B3GALT5: variants seen among roughly 807,000 people sequenced by gnomAD.
The protein encoded by B3GALT5 is beta-1,3-galactosyltransferase 5, also known as UDP-Gal:betaGlcNAc beta 1,3-galactosyltransferase, polypeptide 5.
For synonymous variants in B3GALT5, 156 were observed against 158.6 expected (o/e 0.98, Z 0.12); for missense variants, 328 against 396.6 (o/e 0.83, Z 1.47).
At chr21:39,647,759 C>A (rs1379756455) in intron 2 of B3GALT5, among the ~76,000 whole-genome samples, 1 of 152,180 alleles carries the variant, frequency 6.6e-6, no homozygotes, top group African/African-American at 2.4e-5. Context: ...AGCCTAGAGT[C>A]TATGGCTTTA....
chr21:39,660,219 C>A (rs1017980895), intron 3 of B3GALT5, among the ~76,000 whole-genome samples: 15 of 152,152 alleles, frequency 9.9e-5, no homozygotes, highest in African/African-American at 3.4e-4. Flanking sequence ...TGCGCTTCAT[C>A]ATGGAGTCAT....
At chr21:39,657,217 A>G (rs1198044388) in intron 2 of B3GALT5, 1 of 152,276 alleles carries the variant, frequency 6.6e-6, no homozygotes, top group East Asian at 1.9e-4. Flanking sequence ...CTGGTAAAGC[A>G]TTATTTCTGG....
chr21:39,661,374 G>A lies in B3GALT5; in HGVS notation c.815G>A (p.Arg272His), dbSNP rs773923288. 3.3e-5 allele frequency: 53 copies of A among 1,602,906 alleles called. No homozygotes were observed. Among genetic ancestry groups the A allele is most frequent in the Middle Eastern group, 3.3e-4 (2 of 6,012 alleles). Residue 272 changes from arginine to histidine, a missense_variant, in exon 4 of 4, where the codon CGC (arginine) becomes CAC (histidine). Transcript: ENST00000684187. The surrounding 1 kb of genome is among the most constrained non-coding windows in gnomAD (Gnocchi z 4.7). ...CCGACCTTTTTTCCAGGGGGCTTACGCTTCTCCGTATGCCTCTTCAGGAGG... is the reference window on the plus strand; with the variant it reads ...CCGACCTTTTTTCCAGGGGGCTTACACTTCTCCGTATGCCTCTTCAGGAGG... ...SQPTFFPGGL[R>H]FSVCLFRRIV...
intron 2 of B3GALT5, among the ~76,000 whole-genome samples, chr21:39,648,150 C>T (rs1171648970): frequency 1.3e-5 from 2 of 152,192 alleles, no homozygotes; most frequent in African/African-American, 2.4e-5. Context: ...ACATATTTGA[C>T]ACTGTGGACG....
At chr21:39,623,229 C>CCTCCCTT (rs1395122654) in intron 1 of B3GALT5, among the ~76,000 whole-genome samples, 2 of 34,774 alleles carry the variant, frequency 5.8e-5, no homozygotes, top group Non-Finnish European at 1.0e-4. Flanking sequence ...CTCCCTCCCT[C>CCTCCCTT]CCTCCCTCCC....
At chr21:39,615,106 C>T (rs1569204244) in intron 1 of B3GALT5, among the ~76,000 whole-genome samples, 1 of 152,212 alleles carries the variant, frequency 6.6e-6, no homozygotes, top group African/African-American at 2.4e-5. Flanking sequence ...TCTCCTCCTA[C>T]TGCTTACTTT....
Position 39,661,476 on chromosome 21 carries a change from A to G in B3GALT5, c.917A>G (p.Asp306Gly). 1.3e-6 allele frequency: 2 copies of G among 1,508,990 alleles called. No individual in the cohort carries two copies. Among genetic ancestry groups the G allele is most frequent in the Non-Finnish European group, 1.8e-6 (2 of 1,130,030 alleles). The allele number at this position is 1,508,990 out of a possible 1,614,324, so 93.5% of individuals were successfully genotyped here. ...WQALENSRGE[D>G]CPPV ...GCTCTAGAGAATTCCCGGGGGGAAG[A>G]TTGTCCGCCTGTCTGAGGGGAGCCC... is the stretch of plus-strand genomic sequence containing the variant. The change falls in exon 4 of 4, where the codon GAT becomes GGT. Residue 306 changes from aspartate (D) to glycine (G), a missense_variant. Coordinates refer to ENST00000684187, the MANE Select transcript of B3GALT5 (RefSeq NM_001356336.2). The surrounding 1 kb of genome is among the most constrained non-coding windows in gnomAD (Gnocchi z 4.7).
intron 1 of B3GALT5, among the ~76,000 whole-genome samples, chr21:39,645,808 C>T (rs1251933118): frequency 6.6e-6 from 1 of 152,172 alleles, no homozygotes; most frequent in Non-Finnish European, 1.5e-5. Context: ...GAATAATTCA[C>T]TGTCAGCATC....
intron 2 of B3GALT5, among the ~76,000 whole-genome samples, chr21:39,655,958 GTGGTC>G: frequency 1.3e-5 from 2 of 152,326 alleles, no homozygotes; most frequent in South Asian, 4.1e-4. Flanking sequence ...GGTGGGCACA[GTGGTC>G]TGGGGTCTTC....
chr21:39,644,323 G>A (rs1438820303), intron 1 of B3GALT5, among the ~76,000 whole-genome samples: 1 of 152,192 alleles, frequency 6.6e-6, no homozygotes, highest in Non-Finnish European at 1.5e-5. Flanking sequence ...CAGAAATGCT[G>A]TAGGGTAAAA....
chr21:39,660,003 A>G (rs2079494288), intron 3 of B3GALT5, 91 bp downstream of exon 3: 1 of 738,840 alleles, frequency 1.4e-6, no homozygotes, highest in Non-Finnish European at 1.7e-6. Flanking sequence ...AGAACAGGAA[A>G]GAATCAGATC....
chr21:39,623,076 CTCCCTCCCTCCATCCTTCCT>C (rs1417021802), intron 1 of B3GALT5, among the ~76,000 whole-genome samples: 2 of 143,248 alleles, frequency 1.4e-5, no homozygotes, highest in African/African-American at 5.5e-5. Flanking sequence ...CTTTTCCTCC[CTCCCTCCCTCCATCCTTCCT>C]TCCCTCCCTC....
chr21:39,650,067 A>G (rs1269337667), intron 2 of B3GALT5, among the ~76,000 whole-genome samples: 1 of 152,086 alleles, frequency 6.6e-6, no homozygotes, highest in Non-Finnish European at 1.5e-5. Context: ...TGGAACCCCC[A>G]GCACCTGGAC....
rs183824922 is a variant in B3GALT5 at position 39,628,602 on chromosome 21, A to G, written c.-392+15535A>G. ...TCCATATCAGCTGCCACTGGCTCAT[A>G]CACAACCATGTCAGTGCTGTGTCAG... On this transcript the variant is annotated intron_variant, in intron 1 of 3. Coordinates refer to ENST00000684187, the MANE Select transcript of B3GALT5 (RefSeq NM_001356336.2). Among the ~76,000 whole-genome samples the G allele has an allele frequency of 1.6e-4, 24 of 152,374 alleles. No individual in the cohort carries two copies. The East Asian group carries it at 4.6e-3, about 29-fold the overall frequency.
At chr21:39,616,454 T>A (rs2079107951) in intron 1 of B3GALT5, among the ~76,000 whole-genome samples, 1 of 152,222 alleles carries the variant, frequency 6.6e-6, no homozygotes, top group African/African-American at 2.4e-5. Flanking sequence ...AAACTTTTAA[T>A]CCACTGCTGG....
intron 1 of B3GALT5, among the ~76,000 whole-genome samples, chr21:39,639,986 G>C (rs2079277092): frequency 1.3e-5 from 2 of 149,020 alleles, no homozygotes; most frequent in Non-Finnish European, 3.0e-5. Context: ...ATAAATAACT[G>C]TAAAATGTAC....
intron 1 of B3GALT5, among the ~76,000 whole-genome samples, chr21:39,640,486 A>T (rs1461637666): frequency 6.6e-6 from 1 of 152,164 alleles, no homozygotes; most frequent in African/African-American, 2.4e-5. Context: ...TTCAGGATCT[A>T]TGTGTCTCAA....
rs1438074028 is a variant in B3GALT5 at position 39,666,682 on chromosome 21, T to A, written c.*5190T>A. On this transcript the variant is annotated 3_prime_UTR_variant, in exon 4 of 4. Coordinates refer to ENST00000684187, the MANE Select transcript of B3GALT5 (RefSeq NM_001356336.2). ...CCCTTCAGCCTGCTGGCATCCACCA[T>A]GCCTTAAAAAACAAAACAAAACCCT... 6.6e-6 allele frequency: 1 copy of A among 152,398 alleles called. No individual in the cohort carries two copies. Among genetic ancestry groups the A allele is most frequent in the Non-Finnish European group, 1.5e-5 (1 of 68,166 alleles). 9.4% of individuals were successfully genotyped at this position (152,398 alleles called of 1,614,324 possible).
Position 39,625,228 on chromosome 21 carries a change from T to A in B3GALT5, c.-392+12161T>A, listed in dbSNP as rs1390831428. 4.6e-5 allele frequency among the ~76,000 whole-genome samples: 7 copies of A among 152,156 alleles called. No individual in the cohort carries two copies. The East Asian group carries it at 1.3e-3, about 29-fold the overall frequency. ...ATTCCATCAGGTAGAGGGAGGAGTT[T>A]TTCCAGGCTAATGAAACATGATGAT... On this transcript the variant is annotated intron_variant, in intron 1 of 3. Transcript: ENST00000684187.
Sources: allele counts gnomAD v4.1 joint callset (sites outside exome capture counted in the v4.1 genomes callset), GRCh38; gene constraint gnomAD v4.1.1; non-coding constraint Gnocchi (gnomAD v3.1); transcripts MANE v1.5; gene names NCBI Gene and HGNC (gene_info 2026-07-23, HGNC 2026-07-21).